The following SLC24A2 variants were observed in gnomAD, a reference collection of about 807,000 sequenced individuals.
The protein encoded by SLC24A2 is solute carrier family 24 member 2.
In SLC24A2, 36 loss-of-function variants were observed where a neutral mutation model predicts 62.0. That is an observed-to-expected ratio of 0.58 (90% CI 0.44 to 0.77). The LOEUF (loss-of-function observed/expected upper bound fraction) is 0.77, where lower values mean the gene tolerates loss of function less well. Ranked by LOEUF, SLC24A2 falls within the 30% of genes least tolerant of loss-of-function variation. SLC24A2 has a pLI of 0.00. For synonymous variants in SLC24A2, 358 were observed against 294.0 expected, an observed-to-expected ratio of 1.22 and a Z score of -2.23; for missense variants, 846 against 817.9, an observed-to-expected ratio of 1.03 and a Z score of -0.42.
chr9:19,516,004 T>G lies in SLC24A2; in HGVS notation c.*149A>C. On this transcript the variant is annotated 3_prime_UTR_variant, in exon 11 of 11. Transcript: ENST00000341998. Reference sequence around the variant, plus strand: ...GCCTGTGAAGTGAATGGGCCCAGTGTGAATCCATCTCTCCTCAAATTCACC... The same window carrying G: ...GCCTGTGAAGTGAATGGGCCCAGTGGGAATCCATCTCTCCTCAAATTCACC... 2 of 966,792 alleles carry G rather than the reference T, an allele frequency of 2.1e-6. No homozygotes were observed. Among genetic ancestry groups the G allele is most frequent in the Non-Finnish European group, 3.3e-6 (2 of 600,874 alleles). The allele number at this position is 966,792 out of a possible 1,614,324, so 59.9% of individuals were successfully genotyped here. A position where few individuals can be genotyped will look rare whatever the true frequency, so the allele number is the denominator to read the frequency against.
At chr9:19,543,559 G>C (rs1368722780) in intron 8 of SLC24A2, among the ~76,000 whole-genome samples, 1 of 151,980 alleles carries the variant, frequency 6.6e-6, no homozygotes, top group Non-Finnish European at 1.5e-5. Context: ...GCTTTCTCTT[G>C]TGGGCATTTA....
At chr9:19,600,331 TA>T (rs1210727326) in intron 4 of SLC24A2, among the ~76,000 whole-genome samples, 2 of 152,244 alleles carry the variant, frequency 1.3e-5, no homozygotes, top group Non-Finnish European at 2.9e-5. Flanking sequence ...CGTATATTAC[TA>T]CCCCTCTAAC....
chr9:19,606,136 T>G lies in SLC24A2; in HGVS notation c.1079-8857A>C, dbSNP rs138708619. Among the ~76,000 whole-genome samples the G allele has an allele frequency of 3.9e-3, 595 of 152,214 alleles. 3 individuals carry two copies. Among genetic ancestry groups the G allele is most frequent in the Non-Finnish European group, 6.2e-3 (420 of 68,010 alleles). On this transcript the variant is annotated intron_variant, in intron 4 of 10. Transcript: ENST00000341998. The stretch of plus-strand genomic sequence containing the variant: ...GGGTTTAGCTCTCAGGTCAAGAAAA[T>G]AGTTGTAACCTATTCCAGATAGGAA...
At chr9:19,905,015 C>A in the SLC24A2 span, among the ~76,000 whole-genome samples, 2 of 152,088 alleles carry the variant, frequency 1.3e-5, no homozygotes, top group African/African-American at 4.8e-5. Flanking sequence ...TAATATATAG[C>A]AAGTCTTGAA....
the SLC24A2 span, among the ~76,000 whole-genome samples, chr9:20,295,036 G>GTATATATATATATATATATATATA: frequency 2.7e-5 from 4 of 145,618 alleles, no homozygotes; most frequent in African/African-American, 1.0e-4. Context: ...GTGTATATAT[G>GTATATATATATATATATATATATA]TATATATATA....
the SLC24A2 span, among the ~76,000 whole-genome samples, chr9:20,094,047 T>C: frequency 6.6e-6 from 1 of 152,186 alleles, no homozygotes; most frequent in Non-Finnish European, 1.5e-5. Context: ...ACCATTTTCA[T>C]AATACTAAGA....
At chr9:20,139,863 G>C in the SLC24A2 span, among the ~76,000 whole-genome samples, 1 of 152,122 alleles carries the variant, frequency 6.6e-6, no homozygotes, top group Non-Finnish European at 1.5e-5. Context: ...AAGACTGAAG[G>C]CTGTCAGCAC....
At chr9:19,658,477 T>G (rs10964244) in intron 2 of SLC24A2, among the ~76,000 whole-genome samples, 32,353 of 152,174 alleles carry the variant, frequency 0.21, 3,978 homozygotes, top group Non-Finnish European at 0.28. Flanking sequence ...TAGCTAACAT[T>G]TATTATTACT....
chr9:20,072,642 T>C, the SLC24A2 span, among the ~76,000 whole-genome samples: 1 of 152,058 alleles, frequency 6.6e-6, no homozygotes, highest in East Asian at 1.9e-4. Flanking sequence ...ATTATCTAGT[T>C]GGCATGATGT....
At chr9:19,813,332 T>C in the SLC24A2 span, among the ~76,000 whole-genome samples, 1 of 145,140 alleles carries the variant, frequency 6.9e-6, no homozygotes, top group Non-Finnish European at 1.5e-5. Context: ...TTTTTTTTTT[T>C]TTTTTTTTGA....
At chr9:19,721,218 A>G (rs1221076269) in intron 2 of SLC24A2, among the ~76,000 whole-genome samples, 1 of 152,160 alleles carries the variant, frequency 6.6e-6, no homozygotes, top group African/African-American at 2.4e-5. Flanking sequence ...ATCCCGCTTT[A>G]AAAATACAAC....
intron 5 of SLC24A2, among the ~76,000 whole-genome samples, chr9:19,594,870 G>T (rs1352882404): frequency 6.6e-6 from 1 of 152,192 alleles, no homozygotes; most frequent in East Asian, 1.9e-4. Flanking sequence ...TACTGAGCTG[G>T]CTTTGAGCCT....
chr9:19,965,048 T>C, the SLC24A2 span, among the ~76,000 whole-genome samples: 46 of 152,046 alleles, frequency 3.0e-4, no homozygotes, highest in African/African-American at 1.1e-3. Context: ...GCTCCCACGA[T>C]CGTGTAGATC....
chr9:20,159,300 C>A, the SLC24A2 span, among the ~76,000 whole-genome samples: 3 of 151,634 alleles, frequency 2.0e-5, no homozygotes, highest in Admixed American at 6.6e-5. Context: ...CCTGCCTACA[C>A]ACACATCCCA....
chr9:19,840,851 G>C, the SLC24A2 span, among the ~76,000 whole-genome samples: 2,451 of 152,222 alleles, frequency 0.016, 68 homozygotes, highest in African/African-American at 0.056. Context: ...GAGTCATACA[G>C]CATTTACCTT....
At chr9:20,007,999 G>A in the SLC24A2 span, among the ~76,000 whole-genome samples, 6 of 141,484 alleles carry the variant, frequency 4.2e-5, no homozygotes, top group South Asian at 2.3e-4. Context: ...GGGTTCAAGC[G>A]ATTCTCCTGC....
chr9:20,220,236 T>C, the SLC24A2 span, among the ~76,000 whole-genome samples: 2 of 152,226 alleles, frequency 1.3e-5, no homozygotes, highest in East Asian at 3.9e-4. Context: ...CATAGAGAAA[T>C]GGAAGTCATT....
chr9:20,075,770 G>A, the SLC24A2 span, among the ~76,000 whole-genome samples: 1 of 152,098 alleles, frequency 6.6e-6, no homozygotes, highest in Non-Finnish European at 1.5e-5. Flanking sequence ...GGAAAAAAAT[G>A]GCCTACTTTC....
chr9:19,770,605 T>C (rs1307138876), intron 2 of SLC24A2, among the ~76,000 whole-genome samples: 1 of 152,242 alleles, frequency 6.6e-6, no homozygotes, highest in Non-Finnish European at 1.5e-5. Context: ...AAAGGTCATC[T>C]GCTCCCACTT....
Sources: gnomAD v4.1 joint callset for allele counts (sites outside exome capture counted in the v4.1 genomes callset) on GRCh38, gnomAD v4.1.1 for gene constraint, MANE v1.5 for transcripts, NCBI Gene and HGNC (gene_info 2026-07-23, HGNC 2026-07-21) for gene names.